The following UNC13C variants were observed in gnomAD, a reference collection of about 807,000 sequenced individuals.
The protein encoded by UNC13C is protein unc-13 homolog C.
UNC13C carries 174 observed loss-of-function variants against 245.4 expected under a neutral mutation model. That is an observed-to-expected ratio of 0.71 (90% confidence interval 0.63 to 0.80). UNC13C has a LOEUF of 0.80. Ranked by LOEUF, UNC13C falls within the 30% of genes least tolerant of loss-of-function variation. The pLI, the probability that UNC13C is intolerant of heterozygous loss-of-function variation, is 0.00. For synonymous variants in UNC13C, 992 were observed against 895.1 expected (o/e 1.11, Z -1.93); for missense variants, 2,829 against 2,602.9 (o/e 1.09, Z -1.89).
chr15:54,409,428 G>T (rs1044615273), intron 18 of UNC13C, among the ~76,000 whole-genome samples: 2 of 151,978 alleles, frequency 1.3e-5, no homozygotes, highest in African/African-American at 4.8e-5. Flanking sequence ...TTTGTTACAT[G>T]GGTAAATTGT....
rs967471683 is a variant in UNC13C, at chr15:54,264,143, A to G, written c.3449-25A>G. 7 of 1,553,266 alleles carry G rather than the reference A, an allele frequency of 4.5e-6. No individual in the cohort carries two copies. In the African/African-American group the frequency reaches 9.6e-5, roughly 21 times the overall value. On this transcript the variant is annotated intron_variant, in intron 8 of 32. Coordinates refer to ENST00000260323, the MANE Select transcript of UNC13C (RefSeq NM_001080534.3). ...AAAAAGTAATGGCATTTCCATTCAC[A>G]TCACCATTGATGTTTCCATCATAGG...
chr15:54,398,699 C>T (rs1471203265), intron 18 of UNC13C, among the ~76,000 whole-genome samples: 2 of 151,172 alleles, frequency 1.3e-5, no homozygotes, highest in South Asian at 4.1e-4. Flanking sequence ...TAGTTTGTAT[C>T]TTCAAGAAAA....
chr15:54,448,014 C>G (rs963080696), intron 19 of UNC13C, among the ~76,000 whole-genome samples: 1 of 152,134 alleles, frequency 6.6e-6, no homozygotes, highest in African/African-American at 2.4e-5. Context: ...TTTATTTCTG[C>G]CTTCATTTCG....
intron 17 of UNC13C, among the ~76,000 whole-genome samples, chr15:54,352,553 C>T (rs16974546): frequency 6.6e-6 from 1 of 151,526 alleles, no homozygotes; most frequent in African/African-American, 2.4e-5. Context: ...GTTCCTGATT[C>T]GTCAGAACAG....
intron 2 of UNC13C, among the ~76,000 whole-genome samples, chr15:54,095,557 T>A (rs975878192): frequency 2.0e-5 from 3 of 152,188 alleles, no homozygotes; most frequent in African/African-American, 7.2e-5. Context: ...GTGGTCTTAG[T>A]ACCAGCAGCA....
downstream of UNC13C, chr15:54,628,936 A>ACAGC (rs1901373756): frequency 1.3e-5 from 2 of 150,644 alleles, no homozygotes; most frequent in South Asian, 4.1e-4. Context: ...TACTGAGTAC[A>ACAGC]CAGCCAAAGG....
chr15:54,458,703 T>TC (rs56086043), intron 19 of UNC13C, among the ~76,000 whole-genome samples: 2 of 145,048 alleles, frequency 1.4e-5, no homozygotes, highest in Non-Finnish European at 3.0e-5. Context: ...TTTTTTTTTT[T>TC]AAGGGAATAG....
chr15:53,871,765 G>A, the UNC13C span, among the ~76,000 whole-genome samples: 5 of 152,222 alleles, frequency 3.3e-5, no homozygotes, highest in East Asian at 3.9e-4. Context: ...CTTCATGCTC[G>A]CCTAGCATCT....
intron 20 of UNC13C, among the ~76,000 whole-genome samples, chr15:54,496,872 C>T (rs1213311550): frequency 2.0e-5 from 3 of 152,018 alleles, no homozygotes; most frequent in Non-Finnish European, 4.4e-5. Flanking sequence ...ACAGTAAACA[C>T]TGCTTAGATA....
At chr15:54,239,427 C>A (rs2035793234) in intron 7 of UNC13C, among the ~76,000 whole-genome samples, 1 of 152,008 alleles carries the variant, frequency 6.6e-6, no homozygotes, top group South Asian at 2.1e-4. Flanking sequence ...GAGTATTATT[C>A]TTTCTTTCTC....
the UNC13C span, among the ~76,000 whole-genome samples, chr15:53,910,189 T>C: frequency 6.9e-6 from 1 of 145,398 alleles, no homozygotes; most frequent in Non-Finnish European, 1.5e-5. Context: ...GCCTGAACTC[T>C]GCCAAACATA....
Position 54,329,862 on chromosome 15 carries a change from A to T in UNC13C, c.4426-2181A>T, listed in dbSNP as rs761359533. Among the ~76,000 whole-genome samples the T allele has an allele frequency of 1.7e-4, 26 of 152,020 alleles. 1 individual carries two copies. The highest frequency in any genetic ancestry group is 1.1e-3 in the Admixed American group (17 of 15,228). On this transcript the variant is annotated intron_variant, in intron 14 of 32. Coordinates refer to ENST00000260323, the MANE Select transcript of UNC13C (RefSeq NM_001080534.3). Reference sequence around the variant, plus strand: ...AATGTGTGAACTTTATCAGTCAGAAATCTTTTCAACTCCATGAAACAGAAA... The same window carrying T: ...AATGTGTGAACTTTATCAGTCAGAATTCTTTTCAACTCCATGAAACAGAAA...
chr15:53,838,576 T>C, the UNC13C span, among the ~76,000 whole-genome samples: 1 of 152,048 alleles, frequency 6.6e-6, no homozygotes, highest in Admixed American at 6.6e-5. Flanking sequence ...AAAATTATAC[T>C]AATTGATTTT....
chr15:54,003,836 C>A (rs557292371), intron 1 of UNC13C, among the ~76,000 whole-genome samples: 1 of 152,072 alleles, frequency 6.6e-6, no homozygotes, highest in African/African-American at 2.4e-5. Flanking sequence ...CATGGTGAAA[C>A]CCTGTCTCTA....
chr15:54,363,298 G>A (rs907316388), intron 17 of UNC13C, among the ~76,000 whole-genome samples: 2 of 152,084 alleles, frequency 1.3e-5, no homozygotes, highest in African/African-American at 2.4e-5. Context: ...TATTAGACAC[G>A]GGGTTTTGCC....
intron 2 of UNC13C, among the ~76,000 whole-genome samples, chr15:54,131,542 G>A (rs936224610): frequency 6.6e-6 from 1 of 152,156 alleles, no homozygotes; most frequent in Non-Finnish European, 1.5e-5. Flanking sequence ...TATGAATTCT[G>A]CTTTGTCCTT....
At chr15:54,244,761 G>A (rs982827773) in intron 7 of UNC13C, among the ~76,000 whole-genome samples, 2 of 152,056 alleles carry the variant, frequency 1.3e-5, no homozygotes, top group African/African-American at 2.4e-5. Context: ...TTCACAATTT[G>A]GCTCTCTGCC....
chr15:54,050,805 C>T, intron 2 of UNC13C: 1 of 595,064 alleles, frequency 1.7e-6, no homozygotes, highest in Non-Finnish European at 3.3e-6. Flanking sequence ...AGCCCTTCAG[C>T]AGTAGTCCAG....
At chr15:54,135,885 A>G (rs2031703983) in intron 2 of UNC13C, among the ~76,000 whole-genome samples, 1 of 152,146 alleles carries the variant, frequency 6.6e-6, no homozygotes, top group Non-Finnish European at 1.5e-5. Context: ...AAGCCTTTGA[A>G]AAAGCCATGG....
Sources: allele counts gnomAD v4.1 joint callset (sites outside exome capture counted in the v4.1 genomes callset), GRCh38; gene constraint gnomAD v4.1.1; transcripts MANE v1.5; gene names NCBI Gene and HGNC (gene_info 2026-07-23, HGNC 2026-07-21).